The following EPB41L3 variants were observed in gnomAD, a reference collection of about 807,000 sequenced individuals.
EPB41L3 encodes the protein band 4.1-like protein 3.
In EPB41L3, 57 loss-of-function variants were observed where a neutral mutation model predicts 127.1. The observed-to-expected ratio is 0.45, with a 90% confidence interval of 0.36 to 0.56. EPB41L3 has a LOEUF of 0.56. Ranked by LOEUF, EPB41L3 falls within the 20% of genes least tolerant of loss-of-function variation. EPB41L3 has a pLI of 0.00. For synonymous variants in EPB41L3, 572 were observed against 549.5 expected (o/e 1.04, Z -0.57); for missense variants, 1,273 against 1,372.2 (o/e 0.93, Z 1.14).
chr18:5,419,372 A>C, intron 12 of EPB41L3, among the ~76,000 whole-genome samples: 1 of 152,230 alleles, frequency 6.6e-6, no homozygotes. Context: ...CCAGAAACAA[A>C]GAAAACAGCT....
upstream of EPB41L3, among the ~76,000 whole-genome samples, chr18:5,629,940 G>A (rs1466358146): frequency 1.3e-5 from 2 of 152,190 alleles, no homozygotes; most frequent in Non-Finnish European, 2.9e-5. Context: ...AGAGGGGGCG[G>A]AGGAGGAGTT....
At chr18:5,606,283 C>A (rs1046040880) in intron 3 of EPB41L3, among the ~76,000 whole-genome samples, 1 of 152,012 alleles carries the variant, frequency 6.6e-6, no homozygotes, top group Non-Finnish European at 1.5e-5. Context: ...TGGGTTATAT[C>A]GATAACATCT....
chr18:5,621,385 G>A (rs1295237797), intron 1 of EPB41L3, among the ~76,000 whole-genome samples: 2 of 152,136 alleles, frequency 1.3e-5, no homozygotes, highest in Non-Finnish European at 2.9e-5. Context: ...TTATTAAGCT[G>A]TGTAGTTACT....
intron 2 of EPB41L3, among the ~76,000 whole-genome samples, chr18:5,487,725 A>G (rs1896336441): frequency 6.6e-6 from 1 of 151,828 alleles, no homozygotes; most frequent in Non-Finnish European, 1.5e-5. Flanking sequence ...AAGCCTCCCA[A>G]AAGTCCTGGG....
chr18:5,493,991 T>C (rs2090888376), intron 1 of EPB41L3, among the ~76,000 whole-genome samples: 1 of 152,166 alleles, frequency 6.6e-6, no homozygotes, highest in Middle Eastern at 3.2e-3. Context: ...TCTTTACAAA[T>C]CCATCTCACT....
intron 3 of EPB41L3, among the ~76,000 whole-genome samples, chr18:5,566,723 C>CTATTCT (rs1555803973): frequency 8.9e-6 from 1 of 112,330 alleles, no homozygotes; most frequent in African/African-American, 3.5e-5. Flanking sequence ...TTTTCTATTC[C>CTATTCT]ATTCTATTCT....
intron 1 of EPB41L3, among the ~76,000 whole-genome samples, chr18:5,526,480 G>C (rs1347318406): frequency 6.6e-6 from 1 of 152,064 alleles, no homozygotes; most frequent in Admixed American, 6.5e-5. Context: ...CTGACATCAG[G>C]AAGAAAGGAC....
intron 16 of EPB41L3, chr18:5,400,703 G>T (rs2074362055): frequency 2.0e-6 from 1 of 512,312 alleles, no homozygotes; most frequent in Non-Finnish European, 3.6e-6. Context: ...ATTTCAGCAA[G>T]ATTATTATCA....
chr18:5,593,417 T>C (rs2094505281), intron 3 of EPB41L3, among the ~76,000 whole-genome samples: 1 of 152,104 alleles, frequency 6.6e-6, no homozygotes, highest in Non-Finnish European at 1.5e-5. Context: ...CAGCAAGTTT[T>C]TATTACAGAT....
chr18:5,625,013 C>T (rs910189418), intron 1 of EPB41L3, among the ~76,000 whole-genome samples: 7 of 152,038 alleles, frequency 4.6e-5, no homozygotes, highest in Non-Finnish European at 1.0e-4. Context: ...AGAAATCAAA[C>T]CTAAAGGCAT....
At chr18:5,586,582 T>TTTTG (rs397744083) in intron 3 of EPB41L3, among the ~76,000 whole-genome samples, 1 of 150,062 alleles carries the variant, frequency 6.7e-6, no homozygotes, top group Non-Finnish European at 1.5e-5. Context: ...TTTTTTTTTT[T>TTTTG]GTAGAGATGA....
intron 3 of EPB41L3, among the ~76,000 whole-genome samples, chr18:5,466,099 A>G (rs948351974): frequency 2.6e-5 from 4 of 152,182 alleles, no homozygotes; most frequent in Admixed American, 1.3e-4. Flanking sequence ...GCCATTTCCA[A>G]ACAGCAAACA....
upstream of EPB41L3, among the ~76,000 whole-genome samples, chr18:5,546,535 C>T (rs972842613): frequency 6.6e-6 from 1 of 152,078 alleles, no homozygotes; most frequent in Non-Finnish European, 1.5e-5. Flanking sequence ...TCTCAAAAAA[C>T]TACAACAACA....
chr18:5,523,909 T>TAA (rs746191849), intron 1 of EPB41L3, among the ~76,000 whole-genome samples: 29 of 152,226 alleles, frequency 1.9e-4, no homozygotes, highest in Admixed American at 9.8e-4. Context: ...TCTCTATATA[T>TAA]AATGCTCTAC....
At position 5,508,624 on chromosome 18, in the gene EPB41L3, G is replaced by A. The variant is rs561403794; in HGVS notation, c.-11-19430C>T. ...CTACTAAAAATACAAAAAATTAGCC[G>A]GGCATGGAGGCAGGCATCTGTAATC... On this transcript the variant is annotated intron_variant, in intron 1 of 22. Transcript: ENST00000341928. 1.4e-3 allele frequency among the ~76,000 whole-genome samples: 209 copies of A among 151,864 alleles called. 2 individuals carry two copies. The highest frequency in any genetic ancestry group is 2.3e-3 in the Non-Finnish European group (159 of 67,958).
At chr18:5,588,688 G>T (rs2094460621) in intron 3 of EPB41L3, among the ~76,000 whole-genome samples, 1 of 151,934 alleles carries the variant, frequency 6.6e-6, no homozygotes, top group South Asian at 2.1e-4. Flanking sequence ...GGTCACAAAG[G>T]CTTTGGTGGT....
rs1344216938 is a variant in EPB41L3 at position 5,418,971 on chromosome 18, CCTTATTA to C, written c.1506+733_1506+739del. Among the ~76,000 whole-genome samples the C allele has an allele frequency of 4.0e-4, 61 of 152,142 alleles. 1 individual carries two copies. The South Asian group carries it at 0.012, about 29-fold the overall frequency. ...CAGGCCAGGAGCCACTCTGTTTTTC[CCTTATTA>C]TTAGGTATAAGCCTCCTGAAGGGTT... On this transcript the variant is annotated intron_variant, in intron 12 of 22. Coordinates refer to ENST00000341928, the MANE Select transcript of EPB41L3 (RefSeq NM_012307.5).
rs1179428625 is a variant in EPB41L3, at chr18:5,474,154, A to C, written c.381+4087T>G. On this transcript the variant is annotated intron_variant, in intron 3 of 22. Transcript: ENST00000341928. ...GCTGAGGCAGGAGAATGGCGTGAAC[A>C]TGGGAGGCGGAGCTTGCAGTGAGCC... is the stretch of plus-strand genomic sequence containing the variant. Among the ~76,000 whole-genome samples the C allele has an allele frequency of 5.9e-5, 9 of 151,740 alleles. No homozygotes were observed. The South Asian group carries it at 1.7e-3, about 28-fold the overall frequency.
intron 3 of EPB41L3, among the ~76,000 whole-genome samples, chr18:5,566,020 C>A (rs2094194184): frequency 6.6e-6 from 1 of 152,158 alleles, no homozygotes; most frequent in South Asian, 2.1e-4. Context: ...ACTGAATGGG[C>A]AAAAACTGGA....
Sources: allele counts gnomAD v4.1 joint callset (sites outside exome capture counted in the v4.1 genomes callset), GRCh38; gene constraint gnomAD v4.1.1; transcripts MANE v1.5; gene names NCBI Gene and HGNC (gene_info 2026-07-23, HGNC 2026-07-21).